HS2ST1: variants seen among roughly 807,000 people sequenced by gnomAD.
The protein encoded by HS2ST1 is 2-O-sulfotransferase.
In HS2ST1, 18 loss-of-function variants were observed where a neutral mutation model predicts 42.9. The ratio of observed to expected loss-of-function variants is 0.42; its 90% CI spans 0.29 to 0.62. HS2ST1 has a LOEUF of 0.62. Ranked by LOEUF, HS2ST1 falls within the 20% of genes least tolerant of loss-of-function variation. The pLI is 0.21. For synonymous variants in HS2ST1, 146 were observed against 152.9 expected (o/e 0.95, Z 0.33); for missense variants, 334 against 433.8 (o/e 0.77, Z 2.04).
chr1:86,943,120 A>T (rs1199728), intron 1 of HS2ST1, among the ~76,000 whole-genome samples: 41,427 of 152,030 alleles, frequency 0.27, 6,938 homozygotes, highest in African/African-American at 0.47. Flanking sequence ...AATAACTTTT[A>T]AAAAAAGTAT....
intron 1 of HS2ST1, among the ~76,000 whole-genome samples, chr1:86,988,657 T>G (rs1259075202): frequency 1.3e-5 from 2 of 152,216 alleles, no homozygotes; most frequent in African/African-American, 4.8e-5. Flanking sequence ...TAAAAAGAGC[T>G]AAGAGATTTG....
intron 1 of HS2ST1, chr1:87,046,303 G>A (rs894840923): frequency 2.7e-6 from 2 of 729,994 alleles, no homozygotes; most frequent in Admixed American, 3.5e-5. Flanking sequence ...TCTCCTGACT[G>A]TACAATTTGT....
intron 1 of HS2ST1, among the ~76,000 whole-genome samples, chr1:86,960,282 A>G (rs1039618496): frequency 2.6e-5 from 4 of 151,760 alleles, no homozygotes; most frequent in Middle Eastern, 3.4e-3. Flanking sequence ...CACAAAAACT[A>G]CCTCAGAGTG....
At chr1:87,030,206 A>G (rs563818116) in intron 1 of HS2ST1, among the ~76,000 whole-genome samples, 94 of 152,304 alleles carry the variant, frequency 6.2e-4, no homozygotes, top group Non-Finnish European at 1.2e-3. Flanking sequence ...AAAGATATAC[A>G]AGTTCATTTG....
rs1652327412 is a variant in HS2ST1 at position 87,106,522 on chromosome 1, G to A, written c.*1826G>A. The A allele has an allele frequency of 6.6e-6, 1 of 152,044 alleles. No homozygotes were observed. The highest frequency in any genetic ancestry group is 2.1e-4 in the South Asian group (1 of 4,818). The allele number at this position is 152,044 out of a possible 1,614,324, so 9.4% of individuals were successfully genotyped here. A position where few individuals can be genotyped will look rare whatever the true frequency, so the allele number is the denominator to read the frequency against. On this transcript the variant is annotated 3_prime_UTR_variant, in exon 7 of 7. Transcript: ENST00000370550. ...TAGGTAGATTGCCTTAAAGGTTATG[G>A]GAGGGCATGAGGGAACACTTCTTAT...
At position 86,999,815 on chromosome 1, in the gene HS2ST1, A is replaced by G. The variant is rs1649226545; in HGVS notation, c.125-73119A>G. Among the ~76,000 whole-genome samples, 2 of 152,188 alleles carry G rather than the reference A, an allele frequency of 1.3e-5. 1 individual carries two copies. Among genetic ancestry groups the G allele is most frequent in the South Asian group, 4.1e-4 (2 of 4,832 alleles). On this transcript the variant is annotated intron_variant, in intron 1 of 6. Coordinates refer to ENST00000370550, the MANE Select transcript of HS2ST1 (RefSeq NM_012262.4). ...TGATTTTTCCTTTCTTTGTTCCTGT[A>G]ACCCTAGAGTAGGTATGGAATTCAC...
chr1:87,080,961 C>T (rs533232857), intron 2 of HS2ST1, among the ~76,000 whole-genome samples: 2 of 152,260 alleles, frequency 1.3e-5, no homozygotes, highest in South Asian at 4.1e-4. Context: ...GGCTAAAGTG[C>T]TTGGGGGTCC....
At chr1:87,036,983 G>A (rs1048966416) in intron 1 of HS2ST1, among the ~76,000 whole-genome samples, 12 of 152,086 alleles carry the variant, frequency 7.9e-5, no homozygotes, top group Non-Finnish European at 1.8e-4. Context: ...TTTCCCAATA[G>A]TATTTGTTAA....
At chr1:86,939,651 C>T (rs1276281036) in intron 1 of HS2ST1, among the ~76,000 whole-genome samples, 1 of 152,180 alleles carries the variant, frequency 6.6e-6, no homozygotes, top group Admixed American at 6.5e-5. Flanking sequence ...AGGGTGTGGC[C>T]TGCGCCTCAG....
In HS2ST1 at chr1:87,104,530, C is replaced by G; in HGVS notation, c.905C>G (p.Ala302Gly). The change falls in exon 7 of 7, where the codon GCA becomes GGA. Residue 302 changes from alanine (A) to glycine (G), a missense_variant. Transcript: ENST00000370550. ...AAACTCCCCACTAAACAAACCATTG[C>G]AAAACTACAGCAATCTGATATTTGG... ...EKKLPTKQTI[A>G]KLQQSDIWKM... is the part of the protein sequence containing the mutation. The G allele has an allele frequency of 1.2e-6, 2 of 1,613,376 alleles. No individual in the cohort carries two copies. Among genetic ancestry groups the G allele is most frequent in the South Asian group, 1.1e-5 (1 of 91,022 alleles).
intron 1 of HS2ST1, among the ~76,000 whole-genome samples, chr1:87,054,577 A>G (rs1162451843): frequency 1.3e-5 from 2 of 152,206 alleles, no homozygotes; most frequent in East Asian, 1.9e-4. Flanking sequence ...ATGGCAAACT[A>G]TATACCAGCT....
chr1:86,994,204 T>G (rs1649032985), intron 1 of HS2ST1, among the ~76,000 whole-genome samples: 1 of 152,218 alleles, frequency 6.6e-6, no homozygotes, highest in Non-Finnish European at 1.5e-5. Flanking sequence ...AAGCTTAATA[T>G]AATCATTTCA....
chr1:86,950,165 C>T (rs185866309), intron 1 of HS2ST1, among the ~76,000 whole-genome samples: 16 of 152,286 alleles, frequency 1.1e-4, no homozygotes, highest in African/African-American at 3.9e-4. Context: ...ACTGACGTTA[C>T]GTATTCCTTG....
At chr1:87,028,743 A>G (rs140680140) in intron 1 of HS2ST1, among the ~76,000 whole-genome samples, 4 of 152,360 alleles carry the variant, frequency 2.6e-5, no homozygotes, top group African/African-American at 9.6e-5. Context: ...AAGAGCAGGT[A>G]CTGGATAGTT....
At chr1:87,006,126 G>A (rs944448433) in intron 1 of HS2ST1, among the ~76,000 whole-genome samples, 2 of 152,096 alleles carry the variant, frequency 1.3e-5, no homozygotes, top group African/African-American at 2.4e-5. Flanking sequence ...GGTAAGTTTT[G>A]TATAGGCTGT....
intron 1 of HS2ST1, among the ~76,000 whole-genome samples, chr1:87,061,805 A>G (rs1651127398): frequency 6.6e-6 from 1 of 151,930 alleles, no homozygotes. Context: ...TTTTTGAGAA[A>G]CTGCCAAACT....
chr1:86,963,919 G>A (rs1378114920), intron 1 of HS2ST1, among the ~76,000 whole-genome samples: 3 of 150,732 alleles, frequency 2.0e-5, no homozygotes, highest in South Asian at 2.1e-4. Context: ...CCTCCCGGAC[G>A]GGGCGGCTGC....
intron 1 of HS2ST1, among the ~76,000 whole-genome samples, chr1:86,925,974 C>A (rs999117317): frequency 6.6e-6 from 1 of 152,132 alleles, no homozygotes; most frequent in African/African-American, 2.4e-5. Context: ...CTGGATATTT[C>A]CATATTCCTA....
intron 1 of HS2ST1, among the ~76,000 whole-genome samples, chr1:86,996,956 G>T (rs765439038): frequency 2.0e-5 from 3 of 151,898 alleles, no homozygotes; most frequent in Admixed American, 6.6e-5. Context: ...CCTTATAAAC[G>T]TTAGGCCATA....
Sources: gnomAD v4.1 joint callset for allele counts (sites outside exome capture counted in the v4.1 genomes callset) on GRCh38, gnomAD v4.1.1 for gene constraint, MANE v1.5 for transcripts, NCBI Gene and HGNC (gene_info 2026-07-23, HGNC 2026-07-21) for gene names.